NFIA: variants seen among roughly 807,000 people sequenced by gnomAD.
NFIA encodes nuclear factor I A.
Under a neutral mutation model 62.8 loss-of-function variants are expected in NFIA, and 8 were observed. That is an observed-to-expected ratio of 0.13 (90% confidence interval 0.07 to 0.23). The LOEUF (loss-of-function observed/expected upper bound fraction) is 0.23. Ranked by LOEUF, NFIA falls within the 10% of genes least tolerant of loss-of-function variation. NFIA has a pLI of 1.00. For synonymous variants in NFIA, 235 were observed against 238.1 expected (o/e 0.99, Z 0.12); for missense variants, 410 against 642.1 (o/e 0.64, Z 3.91).
Position 61,406,649 on chromosome 1 carries a change from C to A in NFIA, c.1342C>A (p.Pro448Thr). ...PPPPPPPMAR[P>T]VPLPVPDTKP... ...GCCACCGCCACCACCGATGGCCAGG[C>A]CTGTGCCTCTGCCGGTGCCAGACAC... Residue 448 changes from proline (P) to threonine (T), a missense_variant, in exon 9 of 11, where the codon CCT (proline) becomes ACT (threonine). Physicochemically the swap from Pro to Thr is conservative, Grantham distance 38. This residue lies in a region of NFIA where 298 missense variants were observed against 438.1 expected (regional missense o/e 0.68). Transcript: ENST00000403491. The A allele has an allele frequency of 6.2e-7, 1 of 1,612,890 alleles. No homozygotes were observed. Among genetic ancestry groups the A allele is most frequent in the Non-Finnish European group, 8.5e-7 (1 of 1,179,714 alleles).
At chr1:61,284,623 A>G (rs1447046333) in intron 3 of NFIA, among the ~76,000 whole-genome samples, 1 of 152,210 alleles carries the variant, frequency 6.6e-6, no homozygotes, top group East Asian at 1.9e-4. Context: ...ATCCTCACAC[A>G]TTATGAGTAT....
chr1:61,291,673 C>T (rs537631435), intron 3 of NFIA, among the ~76,000 whole-genome samples: 141 of 152,218 alleles, frequency 9.3e-4, no homozygotes, highest in African/African-American at 3.0e-3. Context: ...ACAGGGATAA[C>T]GGATAGTGGT....
At chr1:61,215,176 TTGA>T (rs1244630796) in intron 2 of NFIA, among the ~76,000 whole-genome samples, 1 of 152,214 alleles carries the variant, frequency 6.6e-6, no homozygotes, top group East Asian at 1.9e-4. Flanking sequence ...AAAAATACCT[TTGA>T]TGGATTCTTC....
In NFIA at chr1:61,200,526, G is replaced by C. The variant is rs968824500; in HGVS notation, c.560-76994G>C. Reference sequence around the variant, plus strand: ...TTAAAATGAGTCACCCTCTTGATTTGATCTGCCAGTCAACAATTGCTGATG... The same window carrying C: ...TTAAAATGAGTCACCCTCTTGATTTCATCTGCCAGTCAACAATTGCTGATG... On this transcript the variant is annotated intron_variant, in intron 2 of 10. Coordinates refer to ENST00000403491, the MANE Select transcript of NFIA (RefSeq NM_001134673.4). Among the ~76,000 whole-genome samples the C allele has an allele frequency of 5.3e-5, 8 of 152,054 alleles. 1 individual carries two copies. Among genetic ancestry groups the C allele is most frequent in the African/African-American group, 1.9e-4 (8 of 41,398 alleles).
At chr1:61,105,025 C>T (rs1008111803) in intron 2 of NFIA, among the ~76,000 whole-genome samples, 2 of 151,956 alleles carry the variant, frequency 1.3e-5, no homozygotes, top group Non-Finnish European at 2.9e-5. Context: ...CCAGTGCAAA[C>T]TCTACACTGT....
At chr1:61,433,550 T>TCA (rs57237214) in intron 10 of NFIA, among the ~76,000 whole-genome samples, 4,298 of 150,704 alleles carry the variant, frequency 0.029, 196 homozygotes, top group African/African-American at 0.099. Flanking sequence ...GTATATATAC[T>TCA]CACACACACA....
chr1:61,360,349 G>C (rs1323585930), intron 6 of NFIA, among the ~76,000 whole-genome samples: 1 of 152,224 alleles, frequency 6.6e-6, no homozygotes, highest in Non-Finnish European at 1.5e-5. Flanking sequence ...CTTGAAATCA[G>C]ACAGTTGGAG....
intron 9 of NFIA, among the ~76,000 whole-genome samples, chr1:61,424,732 A>G (rs1233123758): frequency 1.3e-5 from 2 of 152,204 alleles, no homozygotes; most frequent in Non-Finnish European, 2.9e-5. Flanking sequence ...AGATAATTAT[A>G]GTCTCTCCTT....
intron 10 of NFIA, among the ~76,000 whole-genome samples, chr1:61,428,452 A>T (rs1023456842): frequency 7.1e-6 from 1 of 140,158 alleles, no homozygotes; most frequent in African/African-American, 2.7e-5. Context: ...AATGTTTCTT[A>T]CCATAGTGAC....
rs149837003 is a variant in NFIA, at chr1:61,334,193, T to C, written c.700+1607T>C. 1.1e-3 allele frequency among the ~76,000 whole-genome samples: 160 copies of C among 152,220 alleles called. 1 individual carries two copies. The highest frequency in any genetic ancestry group is 6.8e-3 in the Middle Eastern group (2 of 294). The stretch of plus-strand genomic sequence containing the variant: ...GAGTCAAGGACTCCCAGGTTGATGC[T>C]GAGGTATTCCAGTGTAGAAGAGTTG... On this transcript the variant is annotated intron_variant, in intron 4 of 10. Coordinates refer to ENST00000403491, the MANE Select transcript of NFIA (RefSeq NM_001134673.4).
At position 61,419,934 on chromosome 1, in the gene NFIA, G is replaced by A. The variant is rs762887760; in HGVS notation, c.1421-6531G>A. 3.9e-5 allele frequency among the ~76,000 whole-genome samples: 6 copies of A among 152,284 alleles called. No homozygotes were observed. The East Asian group carries it at 1.2e-3, about 29-fold the overall frequency. Reference sequence around the variant, plus strand: ...TTGCTGTTGGTAACTTGTTTGTAGAGACAAAAGATTTGCAGAAATAATAGG... The same window carrying A: ...TTGCTGTTGGTAACTTGTTTGTAGAAACAAAAGATTTGCAGAAATAATAGG... On this transcript the variant is annotated intron_variant, in intron 9 of 10. Transcript: ENST00000403491.
chr1:61,141,297 T>A (rs12403502), intron 2 of NFIA, among the ~76,000 whole-genome samples: 9,487 of 152,178 alleles, frequency 0.062, 359 homozygotes, highest in East Asian at 0.098. Flanking sequence ...TTGCAATATC[T>A]GATCTGTTTT....
At chr1:61,229,453 G>GGTAA (rs1654534117) in intron 2 of NFIA, among the ~76,000 whole-genome samples, 1 of 151,970 alleles carries the variant, frequency 6.6e-6, no homozygotes, top group African/African-American at 2.4e-5. Flanking sequence ...TGTTGCTCTA[G>GGTAA]GTAAGATCTT....
At chr1:61,077,839 G>C (rs1646050233), upstream of NFIA, among the ~76,000 whole-genome samples, 1 of 151,496 alleles carries the variant, frequency 6.6e-6, no homozygotes, top group Admixed American at 6.6e-5. Context: ...ATCAGAGACC[G>C]GGTTTTCTTT....
At chr1:61,125,225 G>A (rs1266968142) in intron 2 of NFIA, 1 of 152,054 alleles carries the variant, frequency 6.6e-6, no homozygotes, top group Non-Finnish European at 1.5e-5. Flanking sequence ...GTTTATGAAT[G>A]GCCAATAATT....
chr1:61,191,059 A>G (rs569809121), intron 2 of NFIA, among the ~76,000 whole-genome samples: 10 of 152,050 alleles, frequency 6.6e-5, no homozygotes, highest in African/African-American at 2.4e-4. Context: ...TTTTCAAGCA[A>G]GCAAGGGTAG....
chr1:61,187,831 A>G (rs894365366), intron 2 of NFIA, among the ~76,000 whole-genome samples: 6 of 152,256 alleles, frequency 3.9e-5, no homozygotes, highest in African/African-American at 1.4e-4. Context: ...TCACAGCCCC[A>G]TCTCCATTTT....
rs548270889 is a variant in NFIA, at chr1:61,103,157, G to C, written c.559+14477G>C. ...ACAACGAACCTTGAAACTGGTGGGA[G>C]CATGTGCAAAGACATATGTGAAAAT... On this transcript the variant is annotated intron_variant, in intron 2 of 10. Coordinates refer to ENST00000403491, the MANE Select transcript of NFIA (RefSeq NM_001134673.4). Among the ~76,000 whole-genome samples, 120 of 152,302 alleles carry C rather than the reference G, an allele frequency of 7.9e-4. 2 individuals carry two copies. The highest frequency in any genetic ancestry group is 1.3e-3 in the Non-Finnish European group (91 of 68,018).
rs1269075211 is a variant in NFIA, at chr1:61,458,545, T to C, written c.*3225T>C. 1.3e-5 allele frequency: 2 copies of C among 152,256 alleles called. No individual in the cohort carries two copies. The highest frequency in any genetic ancestry group is 4.8e-5 in the African/African-American group (2 of 41,468). 9.4% of individuals were successfully genotyped at this position (152,256 alleles called of 1,614,324 possible). A position where few individuals can be genotyped will look rare whatever the true frequency, so the allele number is the denominator to read the frequency against. Reference sequence around the variant, plus strand: ...ATAATGCAGGACTTTTGTAATGTTGTTTAAATGAGGAAAAATTTCTGTCAA... The same window carrying C: ...ATAATGCAGGACTTTTGTAATGTTGCTTAAATGAGGAAAAATTTCTGTCAA... On this transcript the variant is annotated 3_prime_UTR_variant, in exon 11 of 11. Transcript: ENST00000403491.
Sources: allele counts gnomAD v4.1 joint callset (sites outside exome capture counted in the v4.1 genomes callset), GRCh38; gene constraint gnomAD v4.1.1; regional missense constraint gnomAD v4.1.1; transcripts MANE v1.5; gene names NCBI Gene and HGNC (gene_info 2026-07-23, HGNC 2026-07-21).